CSRP2: variants seen among roughly 807,000 people sequenced by gnomAD.
The protein encoded by CSRP2 is cysteine and glycine rich protein 2.
Under a neutral mutation model 24.6 loss-of-function variants are expected in CSRP2, and 18 were observed. That is an observed-to-expected ratio of 0.73 (90% CI 0.51 to 1.09). The LOEUF (loss-of-function observed/expected upper bound fraction) is 1.09. Among genes scored for constraint, CSRP2 ranks in the 50% least tolerant of loss-of-function variants. CSRP2 has a pLI of 0.00. For synonymous variants in CSRP2, 87 were observed against 84.3 expected (o/e 1.03, Z -0.18); for missense variants, 215 against 239.4 (o/e 0.90, Z 0.67).
chr12:76,867,182 C>T (rs953950774), intron 1 of CSRP2, among the ~76,000 whole-genome samples: 1 of 152,160 alleles, frequency 6.6e-6, no homozygotes, highest in African/African-American at 2.4e-5. Flanking sequence ...TAGTCTGCCT[C>T]GACCACTTTA....
chr12:76,870,850 C>G (rs1053530680), intron 1 of CSRP2, among the ~76,000 whole-genome samples: 14 of 151,716 alleles, frequency 9.2e-5, no homozygotes, highest in Non-Finnish European at 4.4e-5. Context: ...GCACACACCT[C>G]TGGTCCCAGC....
intron 1 of CSRP2, among the ~76,000 whole-genome samples, chr12:76,872,002 A>G (rs1456428336): frequency 6.6e-6 from 1 of 152,164 alleles, no homozygotes; most frequent in African/African-American, 2.4e-5. Flanking sequence ...GCACTAAGCA[A>G]TCTGGGCTGC....
chr12:76,875,235 A>G (rs913625039), intron 1 of CSRP2, among the ~76,000 whole-genome samples: 1 of 152,132 alleles, frequency 6.6e-6, no homozygotes, highest in African/African-American at 2.4e-5. Context: ...ACTTTCAACC[A>G]AAAAGCTTTT....
chr12:76,863,854 C>T (rs1014438496), intron 2 of CSRP2: 2 of 152,230 alleles, frequency 1.3e-5, no homozygotes, highest in African/African-American at 4.8e-5. Flanking sequence ...AGCTCAGTGC[C>T]TTCGGGGACT....
intron 1 of CSRP2, among the ~76,000 whole-genome samples, chr12:76,871,871 T>C (rs1953804032): frequency 6.6e-6 from 1 of 151,998 alleles, no homozygotes; most frequent in Non-Finnish European, 1.5e-5. Context: ...TGATCTTCCA[T>C]TTCTGTCACT....
chr12:76,864,792 A>ATC (rs1366334895), intron 2 of CSRP2: 1 of 152,188 alleles, frequency 6.6e-6, no homozygotes, highest in African/African-American at 2.4e-5. Flanking sequence ...CTACTCTGGA[A>ATC]TCTAACTGTT....
rs1259677350 is a variant in CSRP2, at chr12:76,863,186, TG to T, written c.270del (p.Lys91AsnfsTer42). 6.2e-7 allele frequency: 1 copy of T among 1,612,764 alleles called. No individual in the cohort carries two copies. The highest frequency in any genetic ancestry group is 1.7e-5 in the Admixed American group (1 of 59,942). Reference protein sequence around the residue: ...LNMDRGERLGIKPESVQPHRP... With the variant: ...LNMDRGERLGXKPESVQPHRP... ...GGTCTCCCAACTCACCTCTCTGGTT[TG>T]ATGCCCAGCCTCTCGCCACGGTCCA... On this transcript the variant is annotated frameshift_variant, in exon 3 of 6. Transcript: ENST00000311083. LOFTEE classifies it high-confidence loss of function.
chr12:76,868,562 A>G (rs1953757505), intron 1 of CSRP2, among the ~76,000 whole-genome samples: 1 of 152,102 alleles, frequency 6.6e-6, no homozygotes, highest in Non-Finnish European at 1.5e-5. Context: ...AGTCAATTAA[A>G]CCTCTTTCCT....
chr12:76,860,613 G>A (rs1953666483), intron 3 of CSRP2, 200 bp from the exon 4 acceptor site: 2 of 485,812 alleles, frequency 4.1e-6, no homozygotes, highest in Admixed American at 6.9e-5. Flanking sequence ...CCTATCTATG[G>A]GCTCATTATT....
At chr12:76,872,385 G>C (rs1953808248) in intron 1 of CSRP2, among the ~76,000 whole-genome samples, 1 of 152,226 alleles carries the variant, frequency 6.6e-6, no homozygotes, top group Non-Finnish European at 1.5e-5. Flanking sequence ...AGATAGAGAG[G>C]AAAAGGGGTC....
intron 1 of CSRP2, among the ~76,000 whole-genome samples, chr12:76,877,958 C>T (rs1214567791): frequency 7.5e-6 from 1 of 134,062 alleles, no homozygotes; most frequent in African/African-American, 2.9e-5. Context: ...TAACTGCCCC[C>T]GCCCCACCCC....
chr12:76,874,559 TC>T (rs1953834557), intron 1 of CSRP2, among the ~76,000 whole-genome samples: 1 of 146,016 alleles, frequency 6.8e-6, no homozygotes, highest in African/African-American at 2.4e-5. Context: ...TTAGGAGCAC[TC>T]GGGGCCTGAA....
chr12:76,866,225 G>A lies in CSRP2; in HGVS notation c.36C>T (p.Ala12=). ...CTGCGTGGTACACGGTCCTCCCACA[G>A]GCCCCACACTTGTTTCCACCTCCCC... ...PVWGGGNKCG[A]CGRTVYHAEE... Residue 12 remains alanine, a synonymous_variant, in exon 2 of 6, where the codon GCC becomes GCT. Coordinates refer to ENST00000311083, the MANE Select transcript of CSRP2 (RefSeq NM_001321.3). The A allele has an allele frequency of 6.2e-7, 1 of 1,614,108 alleles. No homozygotes were observed. Among genetic ancestry groups the A allele is most frequent in the Non-Finnish European group, 8.5e-7 (1 of 1,179,998 alleles).
intron 3 of CSRP2, chr12:76,861,255 CAA>C (rs892013590): frequency 2.0e-5 from 3 of 151,166 alleles, no homozygotes; most frequent in Non-Finnish European, 1.5e-5. Flanking sequence ...ACTGGAAAAA[CAA>C]TGTCTTCCTA....
At chr12:76,871,749 GCA>G (rs1953802071) in intron 1 of CSRP2, among the ~76,000 whole-genome samples, 1 of 135,900 alleles carries the variant, frequency 7.4e-6, no homozygotes, top group South Asian at 2.5e-4. Flanking sequence ...GGGTGAAACT[GCA>G]AGACTCCGAC....
At chr12:76,874,853 C>A (rs1278223728) in intron 1 of CSRP2, among the ~76,000 whole-genome samples, 1 of 152,138 alleles carries the variant, frequency 6.6e-6, no homozygotes, top group Non-Finnish European at 1.5e-5. Flanking sequence ...GCCTGGTGAT[C>A]TGAGATGGAA....
chr12:76,859,223 T>C (rs1953649538), intron 5 of CSRP2, among the ~76,000 whole-genome samples, 195 bp from the exon 6 acceptor site: 1 of 152,226 alleles, frequency 6.6e-6, no homozygotes, highest in Non-Finnish European at 1.5e-5. Context: ...GGCCCTATAG[T>C]GTTCAGCGTG....
rs749249223 is a variant in CSRP2 at position 76,859,579 on chromosome 12, A to G, written c.473T>C (p.Leu158Pro). The G allele has an allele frequency of 1.9e-6, 3 of 1,613,516 alleles. No homozygotes were observed. The highest frequency in any genetic ancestry group is 2.5e-6 in the Non-Finnish European group (3 of 1,179,862). The stretch of plus-strand genomic sequence containing the variant: ...ATAGATTTCACCTTCTTTTTCAGTC[A>G]GAGTTGTTGATTCAAGACTCTTCCC... ...KCGKSLESTTLTEKEGEIYCK... is the reference protein window; with the variant it reads ...KCGKSLESTTPTEKEGEIYCK... The change falls in exon 5 of 6, where the codon CTG (leucine) becomes CCG (proline). Residue 158 changes from leucine to proline, a missense_variant. By Grantham distance (98) the Leu-to-Pro change is moderately conservative. Coordinates refer to ENST00000311083, the MANE Select transcript of CSRP2 (RefSeq NM_001321.3).
At position 76,869,844 on chromosome 12, in the gene CSRP2, G is replaced by A. The variant is rs78202703; in HGVS notation, c.-1-3583C>T. On this transcript the variant is annotated intron_variant, in intron 1 of 5. Coordinates refer to ENST00000311083, the MANE Select transcript of CSRP2 (RefSeq NM_001321.3). ...ATCCAGAGTGAAACATAAGCCTGGC[G>A]GTAAAACCTAAGACATAAAGCCTTG... Among the ~76,000 whole-genome samples, 1,050 of 152,312 alleles carry A rather than the reference G, an allele frequency of 6.9e-3. 18 individuals are homozygous for A. The highest frequency in any genetic ancestry group is 0.024 in the African/African-American group (1,018 of 41,558).
Sources: gnomAD v4.1 joint callset for allele counts (sites outside exome capture counted in the v4.1 genomes callset) on GRCh38, gnomAD v4.1.1 for gene constraint, MANE v1.5 for transcripts, NCBI Gene and HGNC (gene_info 2026-07-23, HGNC 2026-07-21) for gene names.